The following CASK variants were observed in gnomAD, a reference collection of about 807,000 sequenced individuals.
The protein encoded by CASK is calcium/calmodulin dependent serine protein kinase.
CASK carries 4 observed loss-of-function variants against 82.9 expected under a neutral mutation model. The observed-to-expected ratio is 0.05, with a 90% CI of 0.02 to 0.11. The LOEUF (loss-of-function observed/expected upper bound fraction) is 0.11. CASK is among the 10% of genes least tolerant of loss of function. The probability of loss-of-function intolerance (pLI) is 1.00; values close to 1 mark genes in which losing one functional copy is unlikely to be tolerated. For synonymous variants in CASK, 259 were observed against 253.5 expected, an observed-to-expected ratio of 1.02 and a Z score of -0.20; for missense variants, 358 against 720.9, an observed-to-expected ratio of 0.50 and a Z score of 5.76.
intron 1 of CASK, among the ~76,000 whole-genome samples, chrX:41,901,366 G>A (rs1310178772): frequency 9.0e-6 from 1 of 110,650 alleles, no homozygotes; most frequent in Non-Finnish European, 1.9e-5. Flanking sequence ...CTACTCAGGA[G>A]GCTGAGGCAG....
chrX:41,817,457 C>T (rs1447157391), intron 2 of CASK, among the ~76,000 whole-genome samples: 3 of 111,813 alleles, frequency 2.7e-5, no homozygotes, highest in Non-Finnish European at 5.6e-5. Flanking sequence ...GATGACATAA[C>T]TGACATATAA....
intron 1 of CASK, among the ~76,000 whole-genome samples, chrX:41,918,085 G>A (rs189946128): frequency 5.7e-4 from 64 of 111,718 alleles, no homozygotes; most frequent in Non-Finnish European, 1.0e-3. Context: ...GAAAATTCTC[G>A]GTTCCTTCAG....
chrX:41,571,510 T>G (rs2065411534), intron 15 of CASK, among the ~76,000 whole-genome samples: 1 of 111,926 alleles, frequency 8.9e-6, no homozygotes, highest in South Asian at 3.7e-4. Flanking sequence ...GCCCCTTCTC[T>G]CATGCCTGAT....
At chrX:41,655,888 G>C (rs2066930677) in intron 8 of CASK, among the ~76,000 whole-genome samples, 1 of 111,737 alleles carries the variant, frequency 8.9e-6, no homozygotes, top group Non-Finnish European at 1.9e-5. Context: ...GTTTTTTACT[G>C]ACTCATGGAC....
chrX:41,811,546 C>T (rs2070286491), intron 2 of CASK, among the ~76,000 whole-genome samples: 1 of 112,223 alleles, frequency 8.9e-6, no homozygotes, highest in Non-Finnish European at 1.9e-5. Context: ...CCAATGAGAA[C>T]AAAGACACAA....
intron 21 of CASK, among the ~76,000 whole-genome samples, chrX:41,543,570 T>C (rs2064976759): frequency 8.9e-6 from 1 of 112,120 alleles, no homozygotes; most frequent in Non-Finnish European, 1.9e-5. Flanking sequence ...TTTTGATCTA[T>C]AATATCCAGC....
chrX:41,696,004 T>C, intron 5 of CASK: 1 of 1,210,369 alleles, frequency 8.3e-7, no homozygotes. Context: ...ACACTAGGTG[T>C]GATTCTGTGC....
intron 5 of CASK, among the ~76,000 whole-genome samples, chrX:41,737,680 CATT>C (rs1446268802): frequency 8.9e-6 from 1 of 112,358 alleles, no homozygotes; most frequent in Non-Finnish European, 1.9e-5. Context: ...TATTGTCAAT[CATT>C]GTTTATTATA....
At chrX:41,785,308 C>A in intron 3 of CASK, among the ~76,000 whole-genome samples, 1 of 111,968 alleles carries the variant, frequency 8.9e-6, no homozygotes, top group East Asian at 2.8e-4. Flanking sequence ...CGCCTGGCCT[C>A]AAAATTCTTT....
At chrX:41,532,673 T>C (rs762021121) in intron 24 of CASK, among the ~76,000 whole-genome samples, 6 of 111,051 alleles carry the variant, frequency 5.4e-5, no homozygotes, top group Non-Finnish European at 1.1e-4. Context: ...TCTGTATACA[T>C]GAGCCTAAAC....
intron 26 of CASK, 39 bp downstream of exon 26, chrX:41,523,912 C>T (rs778764527): frequency 4.9e-6 from 5 of 1,010,950 alleles, no homozygotes; most frequent in Non-Finnish European, 5.6e-6. Context: ...AAGGCTTGAT[C>T]CTTACAGCTT....
Position 41,870,334 on chromosome X carries a change from G to A in CASK, c.60-17107C>T, listed in dbSNP as rs905559232. Among the ~76,000 whole-genome samples, 11 of 111,945 alleles carry A rather than the reference G, an allele frequency of 9.8e-5. No homozygotes were observed. In the Admixed American group the frequency reaches 1.0e-3, roughly 11 times the overall value. The stretch of plus-strand genomic sequence containing the variant: ...AACAGAATGATGATGTACCTGATGA[G>A]CTAAAATAAAGTGCCATCCAAATAA... On this transcript the variant is annotated intron_variant, in intron 1 of 26. Coordinates refer to ENST00000378163, the MANE Select transcript of CASK (RefSeq NM_001367721.1).
chrX:41,831,961 AAAATAAAT>A (rs940940099), intron 2 of CASK, among the ~76,000 whole-genome samples: 3 of 110,435 alleles, frequency 2.7e-5, no homozygotes, highest in African/African-American at 6.6e-5. Context: ...ACTCCGTCTC[AAAATAAAT>A]AAATAAATAA....
At chrX:41,601,256 T>C (rs1331080469) in intron 12 of CASK, among the ~76,000 whole-genome samples, 1 of 111,597 alleles carries the variant, frequency 9.0e-6, no homozygotes, top group Non-Finnish European at 1.9e-5. Context: ...TGGCAAATTT[T>C]ATGTTATATA....
intron 4 of CASK, among the ~76,000 whole-genome samples, chrX:41,744,506 C>T (rs1330165109): frequency 1.8e-5 from 2 of 110,718 alleles, no homozygotes; most frequent in Non-Finnish European, 1.9e-5. Context: ...CCACCACGCC[C>T]GGCTAATTTT....
At chrX:41,569,146 T>C (rs1157492084) in intron 16 of CASK, among the ~76,000 whole-genome samples, 1 of 112,366 alleles carries the variant, frequency 8.9e-6, no homozygotes, top group Non-Finnish European at 1.9e-5. Context: ...CTCTATGATG[T>C]CCTAATTTAT....
chrX:41,515,533 C>T lies in CASK; in HGVS notation c.*4887G>A, dbSNP rs1389886888. The T allele has an allele frequency of 1.8e-5, 2 of 112,161 alleles. No homozygotes were observed. Among genetic ancestry groups the T allele is most frequent in the African/African-American group, 3.2e-5 (1 of 30,817 alleles). 9.2% of individuals were successfully genotyped at this position (112,161 alleles called of 1,213,427 possible). A position where few individuals can be genotyped will look rare whatever the true frequency, so the allele number is the denominator to read the frequency against. ...GACGTGCCTACACTGCAATTAAACA[C>T]GATACTCGGGTCTTAGCACGTGAGG... is the stretch of plus-strand genomic sequence containing the variant. On this transcript the variant is annotated 3_prime_UTR_variant, in exon 27 of 27. Coordinates refer to ENST00000378163, the MANE Select transcript of CASK (RefSeq NM_001367721.1).
At chrX:41,854,224 G>GCGCGCACACACACA (rs1367817089) in intron 1 of CASK, among the ~76,000 whole-genome samples, 2 of 81,718 alleles carry the variant, frequency 2.4e-5, no homozygotes, top group Admixed American at 1.5e-4. Flanking sequence ...GCGGGCGCGC[G>GCGCGCACACACACA]CACACACACA....
chrX:41,668,538 G>C (rs769402075), intron 6 of CASK, among the ~76,000 whole-genome samples: 9 of 111,564 alleles, frequency 8.1e-5, no homozygotes, highest in Non-Finnish European at 1.3e-4. Context: ...TAGGTTTCTA[G>C]TTGTATTCTG....
Sources: allele counts gnomAD v4.1 joint callset (sites outside exome capture counted in the v4.1 genomes callset), GRCh38; gene constraint gnomAD v4.1.1; transcripts MANE v1.5; gene names NCBI Gene and HGNC (gene_info 2026-07-23, HGNC 2026-07-21).